The following PLCL2 variants were observed in gnomAD, a reference collection of about 807,000 sequenced individuals.
PLCL2 encodes the protein phospholipase C like 2.
Under a neutral mutation model 79.6 loss-of-function variants are expected in PLCL2, and 4 were observed. The observed-to-expected ratio is 0.05, with a 90% CI of 0.02 to 0.11. The LOEUF (loss-of-function observed/expected upper bound fraction) is 0.11, where lower values mean the gene tolerates loss of function less well. PLCL2 is among the 10% of genes least tolerant of loss of function. The pLI, the probability that PLCL2 is intolerant of heterozygous loss-of-function variation, is 1.00. For missense variants in PLCL2, 895 were observed against 1,291.0 expected (o/e 0.69, Z 4.70); for synonymous variants, 484 against 457.7 (o/e 1.06, Z -0.73).
intron 1 of PLCL2, among the ~76,000 whole-genome samples, chr3:16,961,837 C>G (rs1428346047): frequency 6.6e-6 from 1 of 152,074 alleles, no homozygotes; most frequent in Non-Finnish European, 1.5e-5. Context: ...TTCCCAGGAC[C>G]CAAGGGGGCA....
At chr3:17,079,251 C>A (rs113541530) in intron 5 of PLCL2, among the ~76,000 whole-genome samples, 10 of 152,148 alleles carry the variant, frequency 6.6e-5, no homozygotes, top group Admixed American at 1.3e-4. Flanking sequence ...CCCCTCTGGC[C>A]CTGGTCCCTG....
chr3:16,947,760 C>A lies in PLCL2; in HGVS notation c.328-61914C>A, dbSNP rs146126282. On this transcript the variant is annotated intron_variant, in intron 1 of 5. Transcript: ENST00000615277. ...CCACTTTCCAGAAAGCCCTTTCATT[C>A]TTTCTCTTGATAAATTCTAATAAAA... Among the ~76,000 whole-genome samples, 14 of 152,274 alleles carry A rather than the reference C, an allele frequency of 9.2e-5. No homozygotes were observed. The East Asian group carries it at 1.2e-3, about 13-fold the overall frequency.
chr3:16,956,603 G>A (rs2063708172), intron 1 of PLCL2, among the ~76,000 whole-genome samples: 2 of 152,156 alleles, frequency 1.3e-5, no homozygotes, highest in Non-Finnish European at 2.9e-5. Context: ...CAGAAGGAAT[G>A]GTACCAGCTC....
chr3:16,947,551 C>T (rs1025951670), intron 1 of PLCL2, among the ~76,000 whole-genome samples: 6 of 152,186 alleles, frequency 3.9e-5, no homozygotes, highest in Non-Finnish European at 7.4e-5. Flanking sequence ...TCATCACATC[C>T]ATGGGGTGGA....
chr3:17,049,329 G>C (rs551186663), intron 4 of PLCL2, among the ~76,000 whole-genome samples: 1 of 152,188 alleles, frequency 6.6e-6, no homozygotes, highest in Non-Finnish European at 1.5e-5. Flanking sequence ...AGCAGCTTCT[G>C]TCAACCAGCA....
intron 3 of PLCL2, among the ~76,000 whole-genome samples, chr3:17,036,673 A>C (rs1304020559): frequency 6.6e-6 from 1 of 152,218 alleles, no homozygotes; most frequent in Non-Finnish European, 1.5e-5. Context: ...TTGCAGGGCC[A>C]AACAGCACAA....
At chr3:17,088,672 A>T (rs1240456644) in intron 5 of PLCL2, among the ~76,000 whole-genome samples, 1 of 152,204 alleles carries the variant, frequency 6.6e-6, no homozygotes, top group East Asian at 1.9e-4. Flanking sequence ...CCTCCCACTC[A>T]AGAGACAGTT....
chr3:16,907,707 G>T (rs2124925730), intron 1 of PLCL2, among the ~76,000 whole-genome samples: 1 of 152,136 alleles, frequency 6.6e-6, no homozygotes, highest in East Asian at 1.9e-4. Flanking sequence ...AGAATTAATT[G>T]AAGTCATGCA....
intron 1 of PLCL2, among the ~76,000 whole-genome samples, chr3:16,921,027 C>A (rs1037563272): frequency 6.6e-6 from 1 of 152,080 alleles, no homozygotes; most frequent in African/African-American, 2.4e-5. Flanking sequence ...TGAAAAGGTG[C>A]TTAACATTTT....
At chr3:17,039,690 C>A (rs1410214390) in intron 3 of PLCL2, among the ~76,000 whole-genome samples, 1 of 152,162 alleles carries the variant, frequency 6.6e-6, no homozygotes, top group Non-Finnish European at 1.5e-5. Context: ...TTACTATGGG[C>A]CTACCTTCTC....
intron 3 of PLCL2, among the ~76,000 whole-genome samples, chr3:17,016,525 T>G (rs746666500): frequency 2.0e-5 from 3 of 151,994 alleles, no homozygotes; most frequent in Non-Finnish European, 4.4e-5. Flanking sequence ...CTGTGCTGAG[T>G]GCCAAAGGGG....
At chr3:16,907,626 A>G (rs1248582458) in intron 1 of PLCL2, among the ~76,000 whole-genome samples, 1 of 152,194 alleles carries the variant, frequency 6.6e-6, no homozygotes, top group Non-Finnish European at 1.5e-5. Context: ...CTGGGGGGTC[A>G]CCTATTGGCC....
intron 1 of PLCL2, among the ~76,000 whole-genome samples, chr3:16,968,493 GTTA>G (rs2063827254): frequency 6.6e-6 from 1 of 152,100 alleles, no homozygotes; most frequent in East Asian, 1.9e-4. Flanking sequence ...CACCTCCCTG[GTTA>G]GCTGTATTTA....
chr3:17,004,236 G>A (rs9835432), intron 1 of PLCL2, among the ~76,000 whole-genome samples: 28,023 of 152,062 alleles, frequency 0.18, 2,950 homozygotes, highest in Admixed American at 0.23. Context: ...GTGATATTCT[G>A]TTTTGGCTTT....
intron 1 of PLCL2, among the ~76,000 whole-genome samples, chr3:16,921,305 T>C (rs1371966383): frequency 1.3e-5 from 2 of 152,252 alleles, no homozygotes; most frequent in African/African-American, 4.8e-5. Context: ...AATTTAATCA[T>C]CTGTTTCATC....
chr3:17,008,647 C>T (rs547326417), intron 1 of PLCL2, among the ~76,000 whole-genome samples: 45 of 152,026 alleles, frequency 3.0e-4, no homozygotes, highest in African/African-American at 8.7e-4. Flanking sequence ...AGGAGGCGTA[C>T]GTAGAAACAG....
At chr3:17,020,857 G>A (rs1286151938) in intron 3 of PLCL2, among the ~76,000 whole-genome samples, 1 of 152,114 alleles carries the variant, frequency 6.6e-6, no homozygotes, top group Non-Finnish European at 1.5e-5. Context: ...GCAGCATCAT[G>A]AACATTCTGG....
intron 1 of PLCL2, among the ~76,000 whole-genome samples, chr3:16,935,858 G>A (rs1559490958): frequency 6.6e-6 from 1 of 152,230 alleles, no homozygotes; most frequent in Non-Finnish European, 1.5e-5. Flanking sequence ...GAAATCCAGA[G>A]TGCATGAGAA....
intron 1 of PLCL2, among the ~76,000 whole-genome samples, chr3:16,953,630 G>A (rs1390029039): frequency 1.3e-5 from 2 of 152,144 alleles, no homozygotes; most frequent in African/African-American, 4.8e-5. Context: ...TCTGACTTCA[G>A]TGAACTAATG....
Sources: allele counts gnomAD v4.1 joint callset (sites outside exome capture counted in the v4.1 genomes callset), GRCh38; gene constraint gnomAD v4.1.1; transcripts MANE v1.5; gene names NCBI Gene and HGNC (gene_info 2026-07-23, HGNC 2026-07-21).